Variants in YBEY observed in about 807,000 individuals in gnomAD.
YBEY encodes endoribonuclease YbeY.
Under a neutral mutation model 13.5 loss-of-function variants are expected in YBEY, and 15 were observed. The observed-to-expected ratio is 1.11, with a 90% confidence interval of 0.75 to 1.72. The LOEUF (loss-of-function observed/expected upper bound fraction) is 1.72, where lower values mean the gene tolerates loss of function less well. YBEY is among the 40% of genes most tolerant of loss of function. The pLI is 0.00. For missense variants in YBEY, 244 were observed against 208.4 expected (o/e 1.17, Z -1.05); for synonymous variants, 101 against 83.1 (o/e 1.21, Z -1.17).
At chr21:46,300,608 C>T, downstream of YBEY, 1 of 1,165,390 alleles carries the variant, frequency 8.6e-7, no homozygotes, top group South Asian at 1.7e-5. Context: ...CTGCCAGTAG[C>T]TGCGCTGGGC....
chr21:46,309,823 C>T, the YBEY span, among the ~76,000 whole-genome samples: 4 of 151,592 alleles, frequency 2.6e-5, no homozygotes, highest in African/African-American at 7.3e-5. Flanking sequence ...GGTGAAACCC[C>T]GTCTCTATTA....
chr21:46,298,434 C>CTTTTTTTTTTTTTTTTTTT (rs557264546), downstream of YBEY, among the ~76,000 whole-genome samples: 498 of 97,102 alleles, frequency 5.1e-3, 132 homozygotes, highest in Non-Finnish European at 8.0e-3. Flanking sequence ...TTAATCCAAG[C>CTTTTTTTTTTTTTTTTTTT]TTTTTTTTTT....
chr21:46,287,976 C>T (rs578257666), intron 2 of YBEY, among the ~76,000 whole-genome samples: 1 of 151,824 alleles, frequency 6.6e-6, no homozygotes, highest in African/African-American at 2.4e-5. Flanking sequence ...CACACCATTG[C>T]ACTCCAGCCT....
intron 3 of YBEY, among the ~76,000 whole-genome samples, chr21:46,294,686 C>CTGG (rs2081888674): frequency 6.6e-6 from 1 of 150,884 alleles, no homozygotes; most frequent in Non-Finnish European, 1.5e-5. Flanking sequence ...GCCCGGGACT[C>CTGG]AGTGGAGTCA....
Position 46,297,575 on chromosome 21 carries a change from G to T in YBEY, c.445G>T (p.Gly149Cys). 7.2e-7 allele frequency: 1 copy of T among 1,394,510 alleles called. No homozygotes were observed. Among genetic ancestry groups the T allele is most frequent in the Admixed American group, 2.9e-5 (1 of 34,380 alleles). 86.4% of individuals were successfully genotyped at this position (1,394,510 alleles called of 1,614,324 possible). The change falls in exon 5 of 5, where the codon GGC becomes TGC. Residue 149 changes from glycine to cysteine, a missense_variant. Gly to Cys is a radical substitution (Grantham distance 159). Coordinates refer to ENST00000397701, the MANE Select transcript of YBEY (RefSeq NM_001314025.2). ...GGAGAAGGCGGTGCTGGACGAGCTGGGCCGACGCACGGGGACCCGGCTGCA... is the reference window on the plus strand; with the variant it reads ...GGAGAAGGCGGTGCTGGACGAGCTGTGCCGACGCACGGGGACCCGGCTGCA... ...QKEKAVLDEL[G>C]RRTGTRLQPL... is the part of the protein sequence containing the mutation.
downstream of YBEY, chr21:46,297,828 G>A (rs1476998559): frequency 2.3e-5 from 27 of 1,180,754 alleles, no homozygotes; most frequent in Middle Eastern, 1.9e-3. Context: ...CTGGAGTTCA[G>A]GGAACGCGTG....
At chr21:46,312,910 G>A in the YBEY span, 26 of 773,250 alleles carry the variant, frequency 3.4e-5, no homozygotes, top group South Asian at 1.2e-4. Context: ...TATAGAACAC[G>A]TCATGAAAAT....
chr21:46,298,562 TGGGACTACA>T (rs979485701), downstream of YBEY, among the ~76,000 whole-genome samples: 2 of 151,350 alleles, frequency 1.3e-5, no homozygotes, highest in African/African-American at 4.9e-5. Context: ...CCCGAGTAGC[TGGGACTACA>T]GGCGCCCGCC....
downstream of YBEY, chr21:46,301,687 G>A: frequency 8.7e-7 from 1 of 1,151,238 alleles, no homozygotes; most frequent in Non-Finnish European, 1.1e-6. Context: ...AGGGGGATCT[G>A]AGGCTCCCAG....
chr21:46,305,968 C>G, the YBEY span, among the ~76,000 whole-genome samples: 5 of 150,958 alleles, frequency 3.3e-5, no homozygotes, highest in Non-Finnish European at 5.9e-5. Context: ...ATCTTGAGTG[C>G]TGGGTGCTAT....
intron 3 of YBEY, among the ~76,000 whole-genome samples, chr21:46,295,305 A>G (rs2081913891): frequency 6.6e-6 from 1 of 151,660 alleles, no homozygotes; most frequent in Non-Finnish European, 1.5e-5. Flanking sequence ...TGCACTCTCC[A>G]TCTACCCTGC....
chr21:46,290,607 C>G (rs1461620619), intron 2 of YBEY, among the ~76,000 whole-genome samples: 1 of 152,052 alleles, frequency 6.6e-6, no homozygotes, highest in Non-Finnish European at 1.5e-5. Context: ...CTGAGACATG[C>G]ATCTTAAGAG....
chr21:46,299,214 C>T (rs903805530), downstream of YBEY, among the ~76,000 whole-genome samples: 5 of 152,192 alleles, frequency 3.3e-5, no homozygotes, highest in East Asian at 1.9e-4. Flanking sequence ...GTGATTGATC[C>T]GCCTAGGCCT....
rs547409551 is a variant in YBEY, at chr21:46,297,594, G to A, written c.464G>A (p.Arg155Gln). 1.9e-4 allele frequency: 260 copies of A among 1,380,660 alleles called. 4 individuals are homozygous for A. The Middle Eastern group carries it at 3.2e-3, about 17-fold the overall frequency. The allele number at this position is 1,380,660 out of a possible 1,614,324, so 85.5% of individuals were successfully genotyped here. Residue 155 changes from arginine to glutamine, a missense_variant, in exon 5 of 5, where the codon CGG (arginine) becomes CAG (glutamine). Coordinates refer to ENST00000397701, the MANE Select transcript of YBEY (RefSeq NM_001314025.2). ...GAGCTGGGCCGACGCACGGGGACCC[G>A]GCTGCAGCCCCTGACCCGGGGCCTC... ...LDELGRRTGTRLQPLTRGLFG... is the reference protein window; with the variant it reads ...LDELGRRTGTQLQPLTRGLFG...
At chr21:46,300,531 G>A (rs2145868398), downstream of YBEY, 1 of 560,132 alleles carries the variant, frequency 1.8e-6, no homozygotes, top group South Asian at 3.8e-5. Flanking sequence ...CTTTTAACGA[G>A]AGCACAGAGT....
At chr21:46,292,558 A>G (rs888071841) in intron 3 of YBEY, among the ~76,000 whole-genome samples, 1 of 149,056 alleles carries the variant, frequency 6.7e-6, no homozygotes, top group Non-Finnish European at 1.5e-5. Context: ...ACAGCCACGC[A>G]AGTTAAACTC....
At chr21:46,299,152 G>A (rs1316066142), downstream of YBEY, among the ~76,000 whole-genome samples, 1 of 150,532 alleles carries the variant, frequency 6.6e-6, no homozygotes, top group African/African-American at 2.4e-5. Context: ...TTTCTTAGTA[G>A]AGACAGGGTT....
At chr21:46,303,212 G>A in the YBEY span, among the ~76,000 whole-genome samples, 2 of 151,932 alleles carry the variant, frequency 1.3e-5, no homozygotes, top group East Asian at 1.9e-4. Flanking sequence ...AGTGGTGCAT[G>A]CCTGTAGTCC....
At chr21:46,308,217 C>T in the YBEY span, among the ~76,000 whole-genome samples, 1 of 152,108 alleles carries the variant, frequency 6.6e-6, no homozygotes, top group South Asian at 2.1e-4. Flanking sequence ...AATCCCAGCA[C>T]TTTGGGAGGC....
Sources: gnomAD v4.1 joint callset for allele counts (sites outside exome capture counted in the v4.1 genomes callset) on GRCh38, gnomAD v4.1.1 for gene constraint, MANE v1.5 for transcripts, NCBI Gene and HGNC (gene_info 2026-07-23, HGNC 2026-07-21) for gene names.